ULK4: variants seen among roughly 807,000 people sequenced by gnomAD.
ULK4 encodes unc-51 like kinase 4.
A neutral mutation model predicts 160.6 loss-of-function variants in ULK4; 133 were observed. The observed-to-expected ratio is 0.83, with a 90% CI of 0.72 to 0.96. ULK4 has a LOEUF of 0.96. Ranked by LOEUF, ULK4 falls within the 40% of genes least tolerant of loss-of-function variation. ULK4 has a pLI of 0.00. For missense variants in ULK4, 1,580 were observed against 1,499.5 expected (o/e 1.05, Z -0.89); for synonymous variants, 534 against 539.8 (o/e 0.99, Z 0.15).
At chr3:41,533,405 A>T (rs2086389691) in intron 32 of ULK4, among the ~76,000 whole-genome samples, 1 of 152,208 alleles carries the variant, frequency 6.6e-6, no homozygotes, top group Admixed American at 6.5e-5. Context: ...ATCTCAAATT[A>T]TTTACTCACA....
chr3:41,836,984 T>C (rs1297065424), intron 17 of ULK4, among the ~76,000 whole-genome samples: 1 of 152,216 alleles, frequency 6.6e-6, no homozygotes, highest in African/African-American at 2.4e-5. Context: ...AGCACTACTC[T>C]CAATGTGACT....
intron 31 of ULK4, among the ~76,000 whole-genome samples, chr3:41,603,834 C>T (rs1439352339): frequency 1.3e-5 from 2 of 152,130 alleles, no homozygotes; most frequent in African/African-American, 2.4e-5. Context: ...AATACAACTA[C>T]AGACCAATTT....
intron 35 of ULK4, among the ~76,000 whole-genome samples, chr3:41,391,036 A>G (rs959732018): frequency 6.6e-6 from 1 of 152,056 alleles, no homozygotes; most frequent in Non-Finnish European, 1.5e-5. Flanking sequence ...TCCACATATG[A>G]GTGAGAACAT....
intron 31 of ULK4, among the ~76,000 whole-genome samples, chr3:41,598,553 G>A (rs542506666): frequency 3.3e-5 from 5 of 152,198 alleles, no homozygotes; most frequent in East Asian, 1.9e-4. Flanking sequence ...TTCTTCACAC[G>A]TAAATCATGT....
chr3:41,898,796 T>C (rs1162397887), intron 13 of ULK4, among the ~76,000 whole-genome samples: 1 of 152,242 alleles, frequency 6.6e-6, no homozygotes, highest in Non-Finnish European at 1.5e-5. Context: ...ATTCAACAAA[T>C]ATCTATTGGG....
chr3:41,458,398 T>C (rs548796199), intron 33 of ULK4, among the ~76,000 whole-genome samples: 10 of 152,270 alleles, frequency 6.6e-5, no homozygotes, highest in East Asian at 1.9e-4. Flanking sequence ...AGCCACACCA[T>C]TGACAGTTAT....
intron 30 of ULK4, among the ~76,000 whole-genome samples, chr3:41,663,076 C>G (rs1283210007): frequency 6.6e-6 from 1 of 151,830 alleles, no homozygotes; most frequent in Non-Finnish European, 1.5e-5. Context: ...CAAAAATTAG[C>G]TGGGCATGGC....
At chr3:41,884,108 A>G (rs1697629573) in intron 16 of ULK4, among the ~76,000 whole-genome samples, 156 bp from the exon 17 acceptor site, 1 of 152,258 alleles carries the variant, frequency 6.6e-6, no homozygotes, top group Non-Finnish European at 1.5e-5. Flanking sequence ...ACATGTACAC[A>G]GCCCAGAGAA....
At chr3:41,585,135 T>C (rs1364716194) in intron 31 of ULK4, among the ~76,000 whole-genome samples, 1 of 152,084 alleles carries the variant, frequency 6.6e-6, no homozygotes, top group African/African-American at 2.4e-5. Flanking sequence ...AAAATTCCAA[T>C]GGCATGTTTT....
intron 21 of ULK4, among the ~76,000 whole-genome samples, chr3:41,763,088 G>A (rs1176962656): frequency 1.3e-5 from 2 of 151,960 alleles, no homozygotes; most frequent in African/African-American, 2.4e-5. Context: ...CTCCACACGT[G>A]CGAATTACAA....
intron 21 of ULK4, among the ~76,000 whole-genome samples, chr3:41,785,393 T>A (rs2039971134): frequency 6.6e-6 from 1 of 152,188 alleles, no homozygotes; most frequent in South Asian, 2.1e-4. Flanking sequence ...TAGAAAGAGA[T>A]AAACCAACAT....
chr3:41,651,554 C>CAATGAATG, intron 30 of ULK4, among the ~76,000 whole-genome samples: 1 of 152,154 alleles, frequency 6.6e-6, no homozygotes, highest in South Asian at 2.1e-4. Flanking sequence ...TGAAGTGACT[C>CAATGAATG]AATGAATGAA....
chr3:41,513,848 A>G (rs949796160), intron 32 of ULK4, among the ~76,000 whole-genome samples: 5 of 152,178 alleles, frequency 3.3e-5, no homozygotes, highest in Non-Finnish European at 7.3e-5. Flanking sequence ...ATAAGACTAC[A>G]CACCGGGTAC....
At chr3:41,566,164 C>G (rs778462009) in intron 31 of ULK4, 34 bp from the exon 32 acceptor site, 4 of 1,547,362 alleles carry the variant, frequency 2.6e-6, no homozygotes, top group Admixed American at 1.7e-5. Context: ...CATAACCATA[C>G]AGAAATACAA....
At chr3:41,924,452 TAG>T (rs915775118) in intron 5 of ULK4, among the ~76,000 whole-genome samples, 3 of 152,218 alleles carry the variant, frequency 2.0e-5, no homozygotes, top group Non-Finnish European at 4.4e-5. Context: ...TGCCCTGTCA[TAG>T]AGACTGTTCT....
At chr3:41,918,758 C>T (rs897460431) in intron 6 of ULK4, among the ~76,000 whole-genome samples, 45 of 151,974 alleles carry the variant, frequency 3.0e-4, no homozygotes, top group African/African-American at 5.6e-4. Context: ...CACGCTGCCA[C>T]GCCCAGCTAA....
At chr3:41,817,481 T>C (rs2041010508) in intron 19 of ULK4, among the ~76,000 whole-genome samples, 1 of 152,124 alleles carries the variant, frequency 6.6e-6, no homozygotes, top group African/African-American at 2.4e-5. Context: ...ACAACATGGA[T>C]GCAGCTGGAA....
intron 17 of ULK4, among the ~76,000 whole-genome samples, chr3:41,853,127 C>G (rs766376872): frequency 6.6e-6 from 1 of 151,900 alleles, no homozygotes; most frequent in Non-Finnish European, 1.5e-5. Context: ...TAGGGTGCAT[C>G]AGAATCACTG....
intron 32 of ULK4, among the ~76,000 whole-genome samples, chr3:41,508,241 C>A (rs1207339042): frequency 6.6e-6 from 1 of 152,148 alleles, no homozygotes; most frequent in Non-Finnish European, 1.5e-5. Flanking sequence ...CTTCACTGGA[C>A]TGGGAACCAC....
Sources: allele counts gnomAD v4.1 joint callset (sites outside exome capture counted in the v4.1 genomes callset), GRCh38; gene constraint gnomAD v4.1.1; transcripts MANE v1.5; gene names NCBI Gene and HGNC (gene_info 2026-07-23, HGNC 2026-07-21).